ROS1: variants seen among roughly 807,000 people sequenced by gnomAD.
The protein encoded by ROS1 is ROS proto-oncogene 1, receptor tyrosine kinase, also known as proto-oncogene tyrosine-protein kinase ROS.
In ROS1, 263 loss-of-function variants were observed where a neutral mutation model predicts 273.5. The ratio of observed to expected loss-of-function variants is 0.96; its 90% CI spans 0.87 to 1.06. The LOEUF is 1.06. Among genes scored for constraint, ROS1 ranks in the 50% least tolerant of loss-of-function variants. The pLI is 0.00. For synonymous variants in ROS1, 1,008 were observed against 954.1 expected (o/e 1.06, Z -1.04); for missense variants, 2,833 against 2,751.1 (o/e 1.03, Z -0.67).
rs1780090162 is a variant in ROS1, at chr6:117,364,993, C to T, written c.3103+67G>A. The T allele has an allele frequency of 2.8e-6, 4 of 1,438,836 alleles. No individual in the cohort carries two copies. In the East Asian group the frequency reaches 6.8e-5, roughly 25 times the overall value. The allele number at this position is 1,438,836 out of a possible 1,614,324, so 89.1% of individuals were successfully genotyped here. A position where few individuals can be genotyped will look rare whatever the true frequency, so the allele number is the denominator to read the frequency against. On this transcript the variant is annotated intron_variant, in intron 21 of 43. Transcript: ENST00000368507. The stretch of plus-strand genomic sequence containing the variant: ...AAAGTTATTTTTAAATATCAACTAT[C>T]CATTCCAGATCATGAAAAGTGAGAT...
In ROS1 at chr6:117,288,437, A is replaced by G. The variant is rs2128520320; in HGVS notation, c.*55T>C. ...TATCATTCTAGCAGAGTTTTCTTTC[A>G]GTAACTACTGAATGAGAGTGTTTAT... On this transcript the variant is annotated 3_prime_UTR_variant, in exon 44 of 44. Coordinates refer to ENST00000368507, the MANE Select transcript of ROS1 (RefSeq NM_001378902.1). The G allele has an allele frequency of 7.1e-7, 1 of 1,415,492 alleles. No individual in the cohort carries two copies. Among genetic ancestry groups the G allele is most frequent in the Non-Finnish European group, 9.7e-7 (1 of 1,034,402 alleles). The allele number at this position is 1,415,492 out of a possible 1,614,324, so 87.7% of individuals were successfully genotyped here.
intron 39 of ROS1, among the ~76,000 whole-genome samples, chr6:117,312,501 G>T (rs1775618731): frequency 6.6e-6 from 1 of 152,014 alleles, no homozygotes; most frequent in Non-Finnish European, 1.5e-5. Context: ...AGTCCCTGCT[G>T]GATGTCTTGA....
rs780552145 is a variant in ROS1 at position 117,308,748 on chromosome 6, A to G, written c.6551+46T>C. 2.4e-5 allele frequency: 38 copies of G among 1,593,440 alleles called. No individual in the cohort carries two copies. In the South Asian group the frequency reaches 3.3e-4, roughly 14 times the overall value. On this transcript the variant is annotated intron_variant, in intron 42 of 43. Transcript: ENST00000368507. ...TCAAGAGGCCTAAGATTGTATGTGC[A>G]CATGTTTTTGTTTGGGGGATACATA...
chr6:117,388,158 G>A (rs1428931580), intron 13 of ROS1, 166 bp from the exon 14 acceptor site: 7 of 1,074,454 alleles, frequency 6.5e-6, no homozygotes, highest in African/African-American at 6.3e-5. Flanking sequence ...GATGAGGCTA[G>A]GACAGTGTTC....
chr6:117,404,174 T>C, intron 6 of ROS1, 106 bp downstream of exon 6: 1 of 1,024,954 alleles, frequency 9.8e-7, no homozygotes, highest in Non-Finnish European at 1.5e-6. Flanking sequence ...TAAGCTGAGA[T>C]CGCGCCACTG....
Position 117,389,760 on chromosome 6 carries a change from AC to A in ROS1, c.1375del (p.Val459TrpfsTer6). On this transcript the variant is annotated frameshift_variant, in exon 13 of 44. Coordinates refer to ENST00000368507, the MANE Select transcript of ROS1 (RefSeq NM_001378902.1). LOFTEE classifies it high-confidence loss of function. ...SGRCAEAVRI[V>X]ESCTLKDFAI... ...AAAGTCCTTTAACGTGCAACTCTCC[AC>A]AATACGCACAGCTTCTGCACACCGG... The A allele has an allele frequency of 6.2e-7, 1 of 1,614,178 alleles. No individual in the cohort carries two copies. The highest frequency in any genetic ancestry group is 8.5e-7 in the Non-Finnish European group (1 of 1,180,028).
At position 117,366,167 on chromosome 6, in the gene ROS1, T is replaced by C. The variant is rs376369052; in HGVS notation, c.2706A>G (p.Gln902=). 2.5e-5 allele frequency: 41 copies of C among 1,613,998 alleles called. No individual in the cohort carries two copies. Among genetic ancestry groups the C allele is most frequent in the Non-Finnish European group, 2.7e-5 (32 of 1,179,996 alleles). Reference sequence around the variant, plus strand: ...AGACACTGGTTTTCTGACCTATTTCTTGAGTTGTGATAATCCTAAAGCCAT... The same window carrying C: ...AGACACTGGTTTTCTGACCTATTTCCTGAGTTGTGATAATCCTAAAGCCAT... The part of the protein sequence containing the change: ...WINGFRIITT[Q]EIGQKTSVSV... Residue 902 remains glutamine, a synonymous_variant, in exon 19 of 44, where the codon CAA becomes CAG. Transcript: ENST00000368507.
chr6:117,330,815 C>G (rs893401071), intron 32 of ROS1, among the ~76,000 whole-genome samples: 1 of 152,006 alleles, frequency 6.6e-6, no homozygotes, highest in African/African-American at 2.4e-5. Flanking sequence ...AACAAGGGCC[C>G]CCACAAAAAA....
chr6:117,383,468 A>G lies in ROS1; in HGVS notation c.2330T>C (p.Val777Ala), dbSNP rs1271113755. The change falls in exon 17 of 44, where the codon GTT (valine) becomes GCT (alanine). Residue 777 changes from valine (V) to alanine (A), a missense_variant. Coordinates refer to ENST00000368507, the MANE Select transcript of ROS1 (RefSeq NM_001378902.1). Reference protein sequence around the residue: ...QSVLTGHTDIVTHVKLLVNDM... With the variant: ...QSVLTGHTDIATHVKLLVNDM... ...ATTCACCAATAGCTTCACGTGGGTA[A>G]CAATGTCTGTGTGTCCCGTCAACAC... 3 of 1,614,162 alleles carry G rather than the reference A, an allele frequency of 1.9e-6. No homozygotes were observed. The highest frequency in any genetic ancestry group is 4.5e-5 in the East Asian group (2 of 44,886).
intron 32 of ROS1, among the ~76,000 whole-genome samples, chr6:117,336,146 T>G (rs1777443037): frequency 6.6e-6 from 1 of 152,096 alleles, no homozygotes. Flanking sequence ...TGGAGCATTT[T>G]CCCTCCATTC....
At chr6:117,398,678 CA>C (rs58864302) in intron 7 of ROS1, among the ~76,000 whole-genome samples, 2,578 of 59,452 alleles carry the variant, frequency 0.043, 32 homozygotes, top group African/African-American at 0.067. Flanking sequence ...GACCTTGTCT[CA>C]AAAAAAAAAA....
In ROS1 at chr6:117,360,403, A is replaced by G. The variant is rs1308455153; in HGVS notation, c.3369T>C (p.Val1123=). 6.2e-7 allele frequency: 1 copy of G among 1,612,762 alleles called. No homozygotes were observed. Among genetic ancestry groups the G allele is most frequent in the Non-Finnish European group, 8.5e-7 (1 of 1,179,138 alleles). ...MSPRCFIAFQ[V]RAFTSKGPGP... is the part of the protein sequence containing the mutation. ...CTGGCCCCTTAGATGTAAAGGCCCTAACCTAAAGAAAAGGAAACAAAAATT... is the reference window on the plus strand; with the variant it reads ...CTGGCCCCTTAGATGTAAAGGCCCTGACCTAAAGAAAAGGAAACAAAAATT... The change falls in exon 23 of 44, where the codon GTT becomes GTC. Residue 1123 remains valine, a splice_region_variant and synonymous_variant. Coordinates refer to ENST00000368507, the MANE Select transcript of ROS1 (RefSeq NM_001378902.1).
chr6:117,409,969 T>A (rs1163820124), intron 4 of ROS1, among the ~76,000 whole-genome samples: 1 of 152,192 alleles, frequency 6.6e-6, no homozygotes, highest in Non-Finnish European at 1.5e-5. Context: ...TTTCCCTCCA[T>A]TTTTAGAAGT....
intron 20 of ROS1, 21 bp from the exon 21 acceptor site, chr6:117,365,225 A>T: frequency 6.4e-7 from 1 of 1,552,198 alleles, no homozygotes; most frequent in Non-Finnish European, 8.7e-7. Context: ...AACAGAAAAC[A>T]TTATTTTCTC....
chr6:117,366,401 C>G, intron 18 of ROS1, 111 bp from the exon 19 acceptor site: 3 of 689,698 alleles, frequency 4.3e-6, no homozygotes, highest in Non-Finnish European at 7.5e-6. Context: ...CATTTGTGTA[C>G]ATTAAAATAA....
chr6:117,325,408 T>C (rs1459666648), intron 34 of ROS1, among the ~76,000 whole-genome samples: 4 of 152,162 alleles, frequency 2.6e-5, no homozygotes, highest in Non-Finnish European at 4.4e-5. Flanking sequence ...ACTGGTCTGA[T>C]ATGGCTACAG....
chr6:117,317,580 A>G (rs1434959285), intron 38 of ROS1, among the ~76,000 whole-genome samples: 1 of 152,142 alleles, frequency 6.6e-6, no homozygotes, highest in Non-Finnish European at 1.5e-5. Context: ...ATTTAAAAAC[A>G]TTGGGTTTTG....
At chr6:117,302,131 T>C (rs1382304983) in intron 42 of ROS1, among the ~76,000 whole-genome samples, 1 of 152,210 alleles carries the variant, frequency 6.6e-6, no homozygotes, top group African/African-American at 2.4e-5. Context: ...TTTTATATTG[T>C]TTATAATTAA....
chr6:117,294,087 G>C (rs549778823), intron 43 of ROS1, among the ~76,000 whole-genome samples: 48 of 152,246 alleles, frequency 3.2e-4, no homozygotes, highest in Non-Finnish European at 2.2e-4. Context: ...GGCAGAAAAG[G>C]CATTTGACAA....
Sources: gnomAD v4.1 joint callset for allele counts (sites outside exome capture counted in the v4.1 genomes callset) on GRCh38, gnomAD v4.1.1 for gene constraint, MANE v1.5 for transcripts, NCBI Gene and HGNC (gene_info 2026-07-23, HGNC 2026-07-21) for gene names.